Variants in TNS3 observed in about 807,000 individuals in gnomAD.
TNS3 encodes tensin 3.
In TNS3, 45 loss-of-function variants were observed where a neutral mutation model predicts 140.9. The ratio of observed to expected loss-of-function variants is 0.32; its 90% confidence interval spans 0.25 to 0.41. The LOEUF (loss-of-function observed/expected upper bound fraction) is 0.41. Among genes scored for constraint, TNS3 ranks in the 10% least tolerant of loss-of-function variants. The pLI is 1.00. For missense variants in TNS3, 1,716 were observed against 1,906.7 expected (o/e 0.90, Z 1.86); for synonymous variants, 815 against 788.4 (o/e 1.03, Z -0.56).
chr7:47,292,503 A>C (rs192267205), intron 26 of TNS3, among the ~76,000 whole-genome samples: 1 of 152,360 alleles, frequency 6.6e-6, no homozygotes, highest in Non-Finnish European at 1.5e-5. Flanking sequence ...ATTCCGTAGA[A>C]ACGTAAAAAT....
intron 3 of TNS3, among the ~76,000 whole-genome samples, chr7:47,501,853 CAG>C (rs1329799823): frequency 6.6e-6 from 1 of 152,100 alleles, no homozygotes; most frequent in Non-Finnish European, 1.5e-5. Context: ...ATGCGGGAGT[CAG>C]AGAATTCTCA....
intron 20 of TNS3, among the ~76,000 whole-genome samples, chr7:47,311,666 T>C (rs1386853728): frequency 2.0e-5 from 3 of 151,958 alleles, no homozygotes; most frequent in Non-Finnish European, 4.4e-5. Context: ...CAGTAAGACA[T>C]GAGAAATGAT....
At chr7:47,312,231 A>C (rs892148650) in intron 20 of TNS3, among the ~76,000 whole-genome samples, 18 of 152,316 alleles carry the variant, frequency 1.2e-4, no homozygotes, top group South Asian at 4.1e-4. Context: ...AGTATGGCCC[A>C]CAGGAAATGT....
intron 20 of TNS3, among the ~76,000 whole-genome samples, chr7:47,336,074 CA>C (rs1478943981): frequency 1.3e-5 from 2 of 151,780 alleles, no homozygotes; most frequent in Admixed American, 6.6e-5. Context: ...GACTAGAATC[CA>C]AATGCTGAAT....
intron 7 of TNS3, among the ~76,000 whole-genome samples, chr7:47,435,755 A>T (rs1224000450): frequency 2.0e-5 from 3 of 152,146 alleles, no homozygotes; most frequent in Non-Finnish European, 4.4e-5. Context: ...GCTGCTGCCA[A>T]AATCTCCCCA....
At chr7:47,463,288 T>C (rs1212376641) in intron 4 of TNS3, among the ~76,000 whole-genome samples, 9 of 152,202 alleles carry the variant, frequency 5.9e-5, no homozygotes, top group South Asian at 4.2e-4. Flanking sequence ...CTACTAAAAA[T>C]GTACAAATTG....
At chr7:47,322,818 C>A (rs1054125606) in intron 20 of TNS3, among the ~76,000 whole-genome samples, 3 of 152,150 alleles carry the variant, frequency 2.0e-5, no homozygotes, top group Non-Finnish European at 4.4e-5. Context: ...CCCTCAAGAG[C>A]AGCCTGCCTC....
chr7:47,380,770 G>GCA lies in TNS3; in HGVS notation c.1025-11151_1025-11150dup, dbSNP rs371316636. 3.2e-3 allele frequency among the ~76,000 whole-genome samples: 476 copies of GCA among 150,462 alleles called. 1 individual carries two copies. Among genetic ancestry groups the GCA allele is most frequent in the Middle Eastern group, 3.4e-3 (1 of 290 alleles). The stretch of plus-strand genomic sequence containing the variant: ...CACACATACACATATGCACGCGCGC[G>GCA]CACACACACACACACACAAATGCTC... On this transcript the variant is annotated intron_variant, in intron 16 of 30. Coordinates refer to ENST00000311160, the MANE Select transcript of TNS3 (RefSeq NM_022748.12).
chr7:47,508,280 A>G (rs1172732754), intron 2 of TNS3, among the ~76,000 whole-genome samples: 1 of 152,232 alleles, frequency 6.6e-6, no homozygotes, highest in Non-Finnish European at 1.5e-5. Flanking sequence ...TGTATGATCT[A>G]TATTTTTGAA....
At chr7:47,376,615 C>T (rs1034502206) in intron 16 of TNS3, among the ~76,000 whole-genome samples, 1 of 152,068 alleles carries the variant, frequency 6.6e-6, no homozygotes, top group Admixed American at 6.6e-5. Context: ...TACAAGCCTA[C>T]TGAATAGAAT....
chr7:47,315,959 T>C (rs879506500), intron 20 of TNS3, among the ~76,000 whole-genome samples: 1 of 152,186 alleles, frequency 6.6e-6, no homozygotes, highest in African/African-American at 2.4e-5. Context: ...AATATTATAG[T>C]CTCCTATCCA....
chr7:47,438,968 A>G (rs143065336), intron 6 of TNS3, among the ~76,000 whole-genome samples: 5 of 152,284 alleles, frequency 3.3e-5, no homozygotes, highest in African/African-American at 1.2e-4. Context: ...TCAGAGGGTG[A>G]GAGATGGTGA....
At chr7:47,539,220 G>C in intron 1 of TNS3, 1 of 445,124 alleles carries the variant, frequency 2.2e-6, no homozygotes, top group Non-Finnish European at 4.5e-6. Flanking sequence ...GCACAGGCCA[G>C]CCCACTGCCT....
intron 16 of TNS3, among the ~76,000 whole-genome samples, chr7:47,373,062 G>C (rs979225642): frequency 6.6e-6 from 1 of 152,206 alleles, no homozygotes; most frequent in Non-Finnish European, 1.5e-5. Context: ...GGGGGCAGGA[G>C]AGTCAGCCTC....
chr7:47,577,956 A>G (rs1800712476), intron 1 of TNS3, among the ~76,000 whole-genome samples: 1 of 151,576 alleles, frequency 6.6e-6, no homozygotes, highest in Non-Finnish European at 1.5e-5. Flanking sequence ...AGAATCCTTC[A>G]GTATAATCTT....
intron 17 of TNS3, among the ~76,000 whole-genome samples, chr7:47,358,527 C>T (rs1254813662): frequency 3.3e-5 from 5 of 152,154 alleles, no homozygotes; most frequent in African/African-American, 4.8e-5. Context: ...ACATGGGCTG[C>T]GCTGAACATA....
chr7:47,442,870 G>A (rs1795536753), intron 4 of TNS3, among the ~76,000 whole-genome samples: 3 of 152,138 alleles, frequency 2.0e-5, no homozygotes, highest in Non-Finnish European at 4.4e-5. Context: ...ACCATCAGAG[G>A]CATCAACACC....
At chr7:47,506,724 C>T (rs1228340696) in intron 3 of TNS3, among the ~76,000 whole-genome samples, 183 bp downstream of exon 3, 1 of 152,070 alleles carries the variant, frequency 6.6e-6, no homozygotes, top group Non-Finnish European at 1.5e-5. Flanking sequence ...TAATCAAAAC[C>T]GTGGATTTCA....
Position 47,400,863 on chromosome 7 carries a change from G to T in TNS3, c.775C>A (p.Arg259Ser). 6.2e-7 allele frequency: 1 copy of T among 1,614,244 alleles called. No homozygotes were observed. Among genetic ancestry groups the T allele is most frequent in the Non-Finnish European group, 8.5e-7 (1 of 1,180,054 alleles). ...YRSATRDVIF[R>S]LQFHTGAVQG... ...ACAGCCCCAGTGTGAAACTGCAGGC[G>T]GAAAATGACGTCACGGGTGGCCGAG... is the stretch of plus-strand genomic sequence containing the variant. Residue 259 changes from arginine (R) to serine (S), a missense_variant, in exon 14 of 31, where the codon CGC becomes AGC. Around this residue, in one of 3 missense-constraint regions of TNS3, gnomAD observed 337 missense variants for 428.9 expected, o/e 0.79. Coordinates refer to ENST00000311160, the MANE Select transcript of TNS3 (RefSeq NM_022748.12).
Sources: allele counts gnomAD v4.1 joint callset (sites outside exome capture counted in the v4.1 genomes callset), GRCh38; gene constraint gnomAD v4.1.1; regional missense constraint gnomAD v4.1.1; transcripts MANE v1.5; gene names NCBI Gene and HGNC (gene_info 2026-07-23, HGNC 2026-07-21).